Variants in SH3TC1 observed in about 807,000 individuals in gnomAD.
SH3TC1 encodes SH3 domain and tetratricopeptide repeat-containing protein 1.
Under a neutral mutation model 117.3 loss-of-function variants are expected in SH3TC1, and 135 were observed. That is an observed-to-expected ratio of 1.15 (90% CI 1.00 to 1.33). SH3TC1 has a LOEUF of 1.33. Ranked by LOEUF, SH3TC1 falls within the 40% of genes most tolerant of loss-of-function variation. The probability of loss-of-function intolerance (pLI) is 0.00; values close to 1 mark genes in which losing one functional copy is unlikely to be tolerated. For missense variants in SH3TC1, 2,092 were observed against 1,794.3 expected (o/e 1.17, Z -3.00); for synonymous variants, 898 against 816.9 (o/e 1.10, Z -1.69).
chr4:8,182,715 A>G (rs1005271170), intron 1 of SH3TC1, among the ~76,000 whole-genome samples: 1 of 152,172 alleles, frequency 6.6e-6, no homozygotes, highest in Non-Finnish European at 1.5e-5. Flanking sequence ...GTTGATGGAA[A>G]CAGTGCAATG....
intron 9 of SH3TC1, 89 bp downstream of exon 9, chr4:8,219,619 C>A: frequency 7.5e-7 from 1 of 1,339,376 alleles, no homozygotes; most frequent in Non-Finnish European, 9.9e-7. Context: ...CCCCAGGTAA[C>A]AAGCCTGAAA....
chr4:8,215,390 G>A (rs555506861), intron 5 of SH3TC1: 9 of 395,160 alleles, frequency 2.3e-5, no homozygotes, highest in East Asian at 7.3e-5. Flanking sequence ...CCCAAGCACC[G>A]GTGAGCAGGG....
intron 13 of SH3TC1, chr4:8,232,777 A>C: frequency 7.8e-7 from 1 of 1,289,446 alleles, no homozygotes; most frequent in Non-Finnish European, 1.0e-6. Flanking sequence ...CGGATTCCAC[A>C]GGGACCCGGG....
Position 8,227,217 on chromosome 4 carries a change from C to G in SH3TC1, c.1523C>G (p.Ala508Gly), listed in dbSNP as rs775255510. 6.4e-7 allele frequency: 1 copy of G among 1,570,436 alleles called. No individual in the cohort carries two copies. Among genetic ancestry groups the G allele is most frequent in the Non-Finnish European group, 8.7e-7 (1 of 1,155,936 alleles). The change falls in exon 12 of 18, where the codon GCC (alanine) becomes GGC (glycine). Residue 508 changes from alanine (A) to glycine (G), a missense_variant. Physicochemically the swap from Ala to Gly is moderately conservative, Grantham distance 60. Transcript: ENST00000245105. Reference sequence around the variant, plus strand: ...AGCTCACTGCTGCTGTTCCTGAACGCCCCTGGGTACAAGGCCAGCTTCCGT... The same window carrying G: ...AGCTCACTGCTGCTGTTCCTGAACGGCCCTGGGTACAAGGCCAGCTTCCGT... Reference protein sequence around the residue: ...ALSSLLLFLNAPGYKASFRGL... With the variant: ...ALSSLLLFLNGPGYKASFRGL...
Position 8,237,621 on chromosome 4 carries a change from A to G in SH3TC1, c.3704A>G (p.Tyr1235Cys), listed in dbSNP as rs764732160. 1 of 1,611,662 alleles carries G rather than the reference A, an allele frequency of 6.2e-7. No homozygotes were observed. The highest frequency in any genetic ancestry group is 1.1e-5 in the South Asian group (1 of 90,730). ...GAGTTTGACGAGGAGACCCTCTACT[A>G]CGTGAAGGTGTACCTGGTGCTCGGT... Reference protein sequence around the residue: ...PLEFDEETLYYVKVYLVLGDI... With the variant: ...PLEFDEETLYCVKVYLVLGDI... The change falls in exon 17 of 18, where the codon TAC (tyrosine) becomes TGC (cysteine). Residue 1235 changes from tyrosine to cysteine, a missense_variant. Coordinates refer to ENST00000245105, the MANE Select transcript of SH3TC1 (RefSeq NM_018986.5).
chr4:8,231,709 G>C (rs1560110410), intron 12 of SH3TC1: 1 of 510,150 alleles, frequency 2.0e-6, no homozygotes, highest in Non-Finnish European at 3.5e-6. Flanking sequence ...GGCCAGAGGG[G>C]CTTTGTGAAG....
chr4:8,230,892 G>T (rs1339472865), intron 12 of SH3TC1, among the ~76,000 whole-genome samples: 1 of 149,990 alleles, frequency 6.7e-6, no homozygotes, highest in Non-Finnish European at 1.5e-5. Context: ...CCATTCTCCT[G>T]CCTCGGCCTC....
At chr4:8,214,864 T>G (rs888078592) in intron 5 of SH3TC1, among the ~76,000 whole-genome samples, 3 of 152,152 alleles carry the variant, frequency 2.0e-5, no homozygotes, top group Non-Finnish European at 4.4e-5. Context: ...TTTTGTATTT[T>G]TAGTAGAGAT....
chr4:8,227,217 C>T lies in SH3TC1; in HGVS notation c.1523C>T (p.Ala508Val). Residue 508 changes from alanine to valine, a missense_variant, in exon 12 of 18, where the codon GCC becomes GTC. By Grantham distance (64) the Ala-to-Val change is moderately conservative. Transcript: ENST00000245105. Reference protein sequence around the residue: ...ALSSLLLFLNAPGYKASFRGL... With the variant: ...ALSSLLLFLNVPGYKASFRGL... ...AGCTCACTGCTGCTGTTCCTGAACGCCCCTGGGTACAAGGCCAGCTTCCGT... is the reference window on the plus strand; with the variant it reads ...AGCTCACTGCTGCTGTTCCTGAACGTCCCTGGGTACAAGGCCAGCTTCCGT... The T allele has an allele frequency of 2.5e-6, 4 of 1,570,436 alleles. No individual in the cohort carries two copies. Among genetic ancestry groups the T allele is most frequent in the Non-Finnish European group, 3.5e-6 (4 of 1,155,936 alleles).
At chr4:8,237,149 C>T (rs762897270) in intron 16 of SH3TC1, 11 of 308,424 alleles carry the variant, frequency 3.6e-5, no homozygotes, top group Non-Finnish European at 6.5e-5. Flanking sequence ...CTGTGGGTTG[C>T]CTGGAGCCCT....
intron 13 of SH3TC1, 76 bp downstream of exon 13, chr4:8,232,232 T>C (rs967568345): frequency 1.6e-6 from 2 of 1,289,892 alleles, no homozygotes; most frequent in Non-Finnish European, 2.0e-6. Context: ...ACAGGGAAGC[T>C]GGCCCAGGGC....
At chr4:8,237,420 T>A (rs1391841287) in intron 16 of SH3TC1, 54 bp from the exon 17 acceptor site, 2 of 1,422,798 alleles carry the variant, frequency 1.4e-6, no homozygotes, top group Middle Eastern at 2.6e-4. Flanking sequence ...GGGGTCTGCA[T>A]GCCTGCCCCG....
At position 8,218,307 on chromosome 4, in the gene SH3TC1, T is replaced by A. The variant is rs1719512756; in HGVS notation, c.876T>A (p.Asp292Glu). Residue 292 changes from aspartate (D) to glutamate (E), a missense_variant, in exon 8 of 18, where the codon GAT (aspartate) becomes GAA (glutamate). Transcript: ENST00000245105. ...GGATCCCCCAGGACCCCATCGACGATGCCATGGGTGGCCCTGTGATGCCCG... is the reference window on the plus strand; with the variant it reads ...GGATCCCCCAGGACCCCATCGACGAAGCCATGGGTGGCCCTGTGATGCCCG... Reference protein sequence around the residue: ...ALRIPQDPIDDAMGGPVMPGN... With the variant: ...ALRIPQDPIDEAMGGPVMPGN... The A allele has an allele frequency of 6.2e-7, 1 of 1,612,160 alleles. No homozygotes were observed. The highest frequency in any genetic ancestry group is 1.7e-5 in the Admixed American group (1 of 59,900).
chr4:8,225,357 A>T lies in SH3TC1; in HGVS notation c.1285+141A>T. On this transcript the variant is annotated intron_variant, in intron 11 of 17. Coordinates refer to ENST00000245105, the MANE Select transcript of SH3TC1 (RefSeq NM_018986.5). This position sits in a 1 kb window ranked among gnomAD's most constrained non-coding sequence, Gnocchi z 5.5. ...GTGGTGTGGGCTGGGGGCTTGGGGG[A>T]GGTTGCCTGAGGTGGGCCTGAACCT... 2.2e-6 allele frequency: 2 copies of T among 895,726 alleles called. No individual in the cohort carries two copies. Among genetic ancestry groups the T allele is most frequent in the South Asian group, 3.2e-5 (2 of 61,868 alleles). 55.5% of individuals were successfully genotyped at this position (895,726 alleles called of 1,614,324 possible). A position where few individuals can be genotyped will look rare whatever the true frequency, so the allele number is the denominator to read the frequency against.
At chr4:8,229,019 G>A (rs990852996) in intron 12 of SH3TC1, 6 of 221,986 alleles carry the variant, frequency 2.7e-5, no homozygotes, top group Admixed American at 1.0e-4. Context: ...GGCCCTGAAC[G>A]CCGGTGCTTG....
At position 8,190,364 on chromosome 4, in the gene SH3TC1, C is replaced by T. The variant is rs1717379580; in HGVS notation, c.-57+8154C>T. 6.6e-6 allele frequency among the ~76,000 whole-genome samples: 1 copy of T among 152,230 alleles called. No homozygotes were observed. The highest frequency in any genetic ancestry group is 2.4e-5 in the African/African-American group (1 of 41,454). On this transcript the variant is annotated intron_variant, in intron 1 of 16. Coordinates refer to the SH3TC1 transcript ENST00000508641. The surrounding 1 kb of genome is among the most constrained non-coding windows in gnomAD (Gnocchi z 4.7). Reference sequence around the variant, plus strand: ...CCAAGGTCAGGATCAACCCCCATCACTGGGCTCTGCAGAATGCCAAAATTC... The same window carrying T: ...CCAAGGTCAGGATCAACCCCCATCATTGGGCTCTGCAGAATGCCAAAATTC...
intron 1 of SH3TC1, among the ~76,000 whole-genome samples, chr4:8,193,205 C>T (rs980340511): frequency 2.6e-5 from 4 of 152,238 alleles, no homozygotes; most frequent in African/African-American, 7.2e-5. Context: ...GGCTCCTGCG[C>T]GCCTGTTTCT....
intron 1 of SH3TC1, among the ~76,000 whole-genome samples, chr4:8,201,078 C>A (rs1717797951): frequency 6.6e-6 from 1 of 152,176 alleles, no homozygotes; most frequent in South Asian, 2.1e-4. Flanking sequence ...ACAAGCCAAC[C>A]CTCCGGAGGT....
At position 8,206,460 on chromosome 4, in the gene SH3TC1, C is replaced by T. The variant is rs927323515; in HGVS notation, c.172+1094C>T. On this transcript the variant is annotated intron_variant, in intron 2 of 17. Transcript: ENST00000245105. The surrounding 1 kb of genome is among the most constrained non-coding windows in gnomAD (Gnocchi z 5.5). ...CGCGCAGGAGGGCCCTGGCCAGCCT[C>T]CCACAGAGCCGCGGGGCCCAGGGAG... Among the ~76,000 whole-genome samples, 1 of 152,088 alleles carries T rather than the reference C, an allele frequency of 6.6e-6. No homozygotes were observed. Among genetic ancestry groups the T allele is most frequent in the Non-Finnish European group, 1.5e-5 (1 of 68,008 alleles).
Sources: gnomAD v4.1 joint callset for allele counts (sites outside exome capture counted in the v4.1 genomes callset) on GRCh38, gnomAD v4.1.1 for gene constraint, Gnocchi (gnomAD v3.1) non-coding constraint, MANE v1.5 for transcripts, NCBI Gene and HGNC (gene_info 2026-07-23, HGNC 2026-07-21) for gene names.